CTNNBIP1: variants seen among roughly 807,000 people sequenced by gnomAD.
CTNNBIP1 encodes catenin beta interacting protein 1.
Under a neutral mutation model 11.8 loss-of-function variants are expected in CTNNBIP1, and 7 were observed. The observed-to-expected ratio is 0.60, with a 90% CI of 0.34 to 1.12. The LOEUF (loss-of-function observed/expected upper bound fraction) is 1.12. Ranked by LOEUF, CTNNBIP1 falls within the 50% of genes most tolerant of loss-of-function variation. CTNNBIP1 has a pLI of 0.03. For synonymous variants in CTNNBIP1, 58 were observed against 43.9 expected (o/e 1.32, Z -1.26); for missense variants, 101 against 113.4 (o/e 0.89, Z 0.50).
chr1:9,892,063 C>G (rs1279903011), intron 1 of CTNNBIP1, among the ~76,000 whole-genome samples: 1 of 152,132 alleles, frequency 6.6e-6, no homozygotes, highest in African/African-American at 2.4e-5. Flanking sequence ...ACCTCAGCCT[C>G]CCAAAGTGCT....
At chr1:9,879,269 C>G (rs2101499328) in intron 2 of CTNNBIP1, among the ~76,000 whole-genome samples, 1 of 152,222 alleles carries the variant, frequency 6.6e-6, no homozygotes, top group South Asian at 2.1e-4. Flanking sequence ...TCTCCGCTGT[C>G]AGCCCTGTAG....
intron 2 of CTNNBIP1, among the ~76,000 whole-genome samples, chr1:9,882,001 C>T (rs1639092823): frequency 6.6e-6 from 1 of 152,178 alleles, no homozygotes; most frequent in East Asian, 1.9e-4. Flanking sequence ...ACAAACCCTC[C>T]TACAGTGCCA....
At chr1:9,898,023 G>A (rs886364550) in intron 1 of CTNNBIP1, among the ~76,000 whole-genome samples, 2 of 151,568 alleles carry the variant, frequency 1.3e-5, no homozygotes, top group Non-Finnish European at 2.9e-5. Flanking sequence ...GCTGAGGCAG[G>A]AGAATCGCTT....
At chr1:9,897,687 G>T (rs111610348) in intron 1 of CTNNBIP1, among the ~76,000 whole-genome samples, 1 of 152,024 alleles carries the variant, frequency 6.6e-6, no homozygotes, top group African/African-American at 2.4e-5. Context: ...GGTGGCAGGC[G>T]CCTGTAATCC....
At chr1:9,888,744 G>T (rs894912044) in intron 1 of CTNNBIP1, among the ~76,000 whole-genome samples, 19 of 152,108 alleles carry the variant, frequency 1.2e-4, no homozygotes, top group African/African-American at 3.9e-4. Flanking sequence ...CTGCTGCCGT[G>T]GGAGTGATTC....
chr1:9,865,578 T>C (rs1368213188), intron 5 of CTNNBIP1, among the ~76,000 whole-genome samples: 2 of 152,022 alleles, frequency 1.3e-5, no homozygotes, highest in African/African-American at 4.8e-5. Context: ...CACTCCAGCC[T>C]GGGTGACAGA....
chr1:9,879,821 G>C (rs554273420), intron 2 of CTNNBIP1, among the ~76,000 whole-genome samples: 123 of 152,326 alleles, frequency 8.1e-4, no homozygotes, highest in Non-Finnish European at 1.4e-3. Context: ...AAGCAGAGGG[G>C]AACACTGTAT....
intron 5 of CTNNBIP1, among the ~76,000 whole-genome samples, chr1:9,863,873 G>A (rs1409085943): frequency 2.0e-5 from 3 of 152,190 alleles, no homozygotes; most frequent in African/African-American, 4.8e-5. Flanking sequence ...GCCGCTGAGG[G>A]GGTCAAGGGG....
chr1:9,900,621 G>C (rs1295415163), intron 1 of CTNNBIP1, among the ~76,000 whole-genome samples: 1 of 152,212 alleles, frequency 6.6e-6, no homozygotes. Context: ...AGCAGCAGCA[G>C]ACCTCAGGAG....
intron 3 of CTNNBIP1, among the ~76,000 whole-genome samples, chr1:9,875,094 C>T (rs1445501022): frequency 2.0e-5 from 3 of 152,186 alleles, no homozygotes; most frequent in African/African-American, 7.2e-5. Flanking sequence ...TCCCCACCCC[C>T]AGCAGGTTCT....
chr1:9,862,219 C>T (rs1336785980), intron 5 of CTNNBIP1, among the ~76,000 whole-genome samples: 1 of 152,206 alleles, frequency 6.6e-6, no homozygotes, highest in African/African-American at 2.4e-5. Context: ...AAAACCCTGA[C>T]ATATTCTCTC....
chr1:9,875,534 T>C (rs552953565), intron 3 of CTNNBIP1, among the ~76,000 whole-genome samples: 1 of 152,336 alleles, frequency 6.6e-6, no homozygotes, highest in South Asian at 2.1e-4. Flanking sequence ...CTGGGATTCC[T>C]AGGGCTTGGG....
intron 1 of CTNNBIP1, among the ~76,000 whole-genome samples, chr1:9,889,728 G>C (rs1198109681): frequency 6.6e-6 from 1 of 152,158 alleles, no homozygotes; most frequent in Non-Finnish European, 1.5e-5. Flanking sequence ...TGGTTTTAAG[G>C]CCTTTATAGG....
chr1:9,865,473 G>C (rs976005736), intron 5 of CTNNBIP1, among the ~76,000 whole-genome samples: 1 of 151,630 alleles, frequency 6.6e-6, no homozygotes, highest in Non-Finnish European at 1.5e-5. Flanking sequence ...GCGTGGTGGC[G>C]GGCGCCTGTA....
intron 5 of CTNNBIP1, among the ~76,000 whole-genome samples, chr1:9,862,187 A>G (rs1220405): frequency 0.31 from 47,234 of 152,068 alleles, 10,231 homozygotes; most frequent in African/African-American, 0.62. Flanking sequence ...AAGAAGGGAC[A>G]GAGAAGACCA....
Position 9,850,685 on chromosome 1 carries a change from A to C in CTNNBIP1, c.*33T>G. The stretch of plus-strand genomic sequence containing the variant: ...GAGCCACACAGATCTCTTGGCCCTC[A>C]ACAGCATCCAGGGTGTTCCAAGGGC... On this transcript the variant is annotated 3_prime_UTR_variant, in exon 6 of 6. Coordinates refer to ENST00000377263, the MANE Select transcript of CTNNBIP1 (RefSeq NM_020248.3). 6.2e-7 allele frequency: 1 copy of C among 1,608,534 alleles called. No homozygotes were observed. The highest frequency in any genetic ancestry group is 8.5e-7 in the Non-Finnish European group (1 of 1,175,006).
At chr1:9,888,769 G>C (rs1379261634) in intron 1 of CTNNBIP1, among the ~76,000 whole-genome samples, 1 of 152,114 alleles carries the variant, frequency 6.6e-6, no homozygotes, top group African/African-American at 2.4e-5. Context: ...ATTCTCAACA[G>C]TTTGCCCTAT....
Position 9,871,915 on chromosome 1 carries a change from T to C in CTNNBIP1, c.96+54A>G. 2.0e-6 allele frequency: 3 copies of C among 1,486,334 alleles called. No individual in the cohort carries two copies. Among genetic ancestry groups the C allele is most frequent in the South Asian group, 2.3e-5 (2 of 88,474 alleles). 92.1% of individuals were successfully genotyped at this position (1,486,334 alleles called of 1,614,324 possible). A position where few individuals can be genotyped will look rare whatever the true frequency, so the allele number is the denominator to read the frequency against. On this transcript the variant is annotated intron_variant, in intron 4 of 5. Transcript: ENST00000377263. The surrounding 1 kb of genome is among the most constrained non-coding windows in gnomAD (Gnocchi z 5.2). ...CCCTCCAATAGCCCAGCAGGGCCCC[T>C]CCCTGGGAGACCCTCCCTGGGGGCC...
At position 9,850,555 on chromosome 1, in the gene CTNNBIP1, T is replaced by G; in HGVS notation, c.*163A>C. On this transcript the variant is annotated 3_prime_UTR_variant, in exon 6 of 6. Transcript: ENST00000377263. ...AACGCACCACTGGTGTCTCCCTTGA[T>G]GCCAGCCCCACTGAGTAGCTGTGAG... is the stretch of plus-strand genomic sequence containing the variant. 1.5e-6 allele frequency: 1 copy of G among 647,618 alleles called. No individual in the cohort carries two copies. The highest frequency in any genetic ancestry group is 2.8e-6 in the Non-Finnish European group (1 of 351,998). The allele number at this position is 647,618 out of a possible 1,614,324, so 40.1% of individuals were successfully genotyped here. A position where few individuals can be genotyped will look rare whatever the true frequency, so the allele number is the denominator to read the frequency against.
Sources: allele counts gnomAD v4.1 joint callset (sites outside exome capture counted in the v4.1 genomes callset), GRCh38; gene constraint gnomAD v4.1.1; non-coding constraint Gnocchi (gnomAD v3.1); transcripts MANE v1.5; gene names NCBI Gene and HGNC (gene_info 2026-07-23, HGNC 2026-07-21).